CPNE4: variants seen among roughly 807,000 people sequenced by gnomAD.
CPNE4 encodes copine-4.
A neutral mutation model predicts 67.9 loss-of-function variants in CPNE4; 25 were observed. The ratio of observed to expected loss-of-function variants is 0.37; its 90% confidence interval spans 0.27 to 0.51. CPNE4 has a LOEUF of 0.51. Among genes scored for constraint, CPNE4 ranks in the 20% least tolerant of loss-of-function variants. The pLI is 0.93. For synonymous variants in CPNE4, 242 were observed against 244.9 expected (o/e 0.99, Z 0.11); for missense variants, 464 against 690.8 (o/e 0.67, Z 3.68).
intron 2 of CPNE4, among the ~76,000 whole-genome samples, chr3:131,794,678 A>G (rs1372437461): frequency 6.6e-6 from 1 of 152,264 alleles, no homozygotes; most frequent in Non-Finnish European, 1.5e-5. Flanking sequence ...ATATCTTAAT[A>G]GGACTTGCAT....
At chr3:131,835,682 A>G (rs2085528472) in intron 2 of CPNE4, among the ~76,000 whole-genome samples, 1 of 152,158 alleles carries the variant, frequency 6.6e-6, no homozygotes, top group Non-Finnish European at 1.5e-5. Flanking sequence ...TATCTGTGAC[A>G]TATAGGTAGG....
intron 2 of CPNE4, among the ~76,000 whole-genome samples, chr3:131,886,892 A>C (rs1192236466): frequency 6.6e-6 from 1 of 152,226 alleles, no homozygotes; most frequent in Non-Finnish European, 1.5e-5. Flanking sequence ...TTGATTTTAC[A>C]GGCTCATAGA....
intron 2 of CPNE4, among the ~76,000 whole-genome samples, chr3:131,817,422 C>T (rs139645239): frequency 0.012 from 1,879 of 152,270 alleles, 22 homozygotes; most frequent in Non-Finnish European, 0.021. Flanking sequence ...GCAAGGAAGT[C>T]TATGTGGCTC....
intron 1 of CPNE4, among the ~76,000 whole-genome samples, chr3:131,966,493 AAAGAG>A: frequency 6.6e-6 from 1 of 152,304 alleles, no homozygotes; most frequent in East Asian, 1.9e-4. Context: ...ATAAAGAAGA[AAAGAG>A]AAAAGAATCA....
At chr3:131,561,166 G>A (rs373797610) in intron 11 of CPNE4, among the ~76,000 whole-genome samples, 4 of 152,010 alleles carry the variant, frequency 2.6e-5, no homozygotes, top group African/African-American at 9.7e-5. Flanking sequence ...TTCAGTTTCT[G>A]TACTGTCTTG....
intron 7 of CPNE4, among the ~76,000 whole-genome samples, chr3:131,606,445 TA>T (rs1939509874): frequency 6.6e-6 from 1 of 152,166 alleles, no homozygotes; most frequent in African/African-American, 2.4e-5. Context: ...TCTGGGTGTT[TA>T]TAGTAGATTG....
chr3:132,007,134 G>A (rs1358125239), intron 1 of CPNE4, among the ~76,000 whole-genome samples: 2 of 152,114 alleles, frequency 1.3e-5, no homozygotes, highest in Non-Finnish European at 2.9e-5. Flanking sequence ...GAAGAAATGA[G>A]GAAGAAGAGC....
In CPNE4 at chr3:131,792,648, TATATATACACACGTGTATATATAC is replaced by T. The variant is rs1160050063; in HGVS notation, c.181-69047_181-69024del. 6.9e-4 allele frequency among the ~76,000 whole-genome samples: 26 copies of T among 37,808 alleles called. 2 individuals are homozygous for T. In the South Asian group the frequency reaches 7.2e-3, roughly 10 times the overall value. The allele number at this position is 37,808 out of a possible 152,430, so 24.8% of individuals were successfully genotyped here. ...ATATATATACACACGTGTATATATG[TATATATACACACGTGTATATATAC>T]ATATATACACACGTGTATATATACA... On this transcript the variant is annotated intron_variant, in intron 2 of 15. Transcript: ENST00000429747.
At chr3:132,010,284 T>G (rs73208160) in intron 1 of CPNE4, among the ~76,000 whole-genome samples, 28,438 of 152,016 alleles carry the variant, frequency 0.19, 3,431 homozygotes, top group East Asian at 0.39. Context: ...TTTAGCACCC[T>G]CTCTACACAC....
At chr3:131,623,720 C>T (rs1237926405) in intron 7 of CPNE4, among the ~76,000 whole-genome samples, 2 of 152,228 alleles carry the variant, frequency 1.3e-5, no homozygotes, top group African/African-American at 4.8e-5. Context: ...TCCCAAGTTG[C>T]ATCCCAGACT....
intron 2 of CPNE4, among the ~76,000 whole-genome samples, chr3:131,821,077 C>T (rs2084943142): frequency 6.6e-6 from 1 of 152,196 alleles, no homozygotes. Flanking sequence ...ACACATGTCT[C>T]ATATTTGCCC....
intron 1 of CPNE4, among the ~76,000 whole-genome samples, chr3:131,921,803 C>T (rs185361338): frequency 7.2e-4 from 109 of 152,156 alleles, no homozygotes; most frequent in African/African-American, 2.6e-3. Context: ...CATGATGAAT[C>T]GTCAAAGTAA....
At chr3:131,986,478 G>A (rs2073044616) in intron 1 of CPNE4, among the ~76,000 whole-genome samples, 2 of 152,180 alleles carry the variant, frequency 1.3e-5, no homozygotes, top group African/African-American at 4.8e-5. Flanking sequence ...GAAGATAAGA[G>A]ATGAGAAAAG....
chr3:131,772,706 C>G (rs750016464), intron 2 of CPNE4, among the ~76,000 whole-genome samples: 1 of 152,116 alleles, frequency 6.6e-6, no homozygotes, highest in Non-Finnish European at 1.5e-5. Context: ...CCAGATCTCA[C>G]AGCATGTCAT....
At chr3:131,624,611 T>C (rs1582911257) in intron 7 of CPNE4, among the ~76,000 whole-genome samples, 1 of 152,304 alleles carries the variant, frequency 6.6e-6, no homozygotes, top group East Asian at 1.9e-4. Flanking sequence ...CTTTTATCAC[T>C]AATGGAACTT....
chr3:131,923,026 A>G (rs998673360), intron 1 of CPNE4, among the ~76,000 whole-genome samples: 1 of 152,192 alleles, frequency 6.6e-6, no homozygotes, highest in Non-Finnish European at 1.5e-5. Flanking sequence ...TTGGGCCAAA[A>G]CCTTTAAAAC....
intron 1 of CPNE4, among the ~76,000 whole-genome samples, chr3:132,033,138 C>T (rs532808183): frequency 1.3e-5 from 2 of 152,348 alleles, no homozygotes; most frequent in South Asian, 2.1e-4. Context: ...TGTATGTGTG[C>T]GCGCGGGGGC....
intron 1 of CPNE4, among the ~76,000 whole-genome samples, chr3:132,026,506 A>G (rs1553835766): frequency 1.3e-5 from 2 of 152,192 alleles, no homozygotes; most frequent in Non-Finnish European, 2.9e-5. Context: ...TGGAATAGGG[A>G]TACCCTAAAT....
chr3:131,615,192 T>C (rs545963243), intron 7 of CPNE4, among the ~76,000 whole-genome samples: 12 of 152,280 alleles, frequency 7.9e-5, no homozygotes, highest in African/African-American at 2.9e-4. Flanking sequence ...CAGTTTCCTT[T>C]CCCTCATATT....
Sources: allele counts gnomAD v4.1 joint callset (sites outside exome capture counted in the v4.1 genomes callset), GRCh38; gene constraint gnomAD v4.1.1; transcripts MANE v1.5; gene names NCBI Gene and HGNC (gene_info 2026-07-23, HGNC 2026-07-21).